UMPS: variants seen among roughly 807,000 people sequenced by gnomAD.
The protein encoded by UMPS is uridine 5'-monophosphate synthase.
A neutral mutation model predicts 38.9 loss-of-function variants in UMPS; 21 were observed. The ratio of observed to expected loss-of-function variants is 0.54; its 90% confidence interval spans 0.38 to 0.78. UMPS has a LOEUF of 0.78. Among genes scored for constraint, UMPS ranks in the 30% least tolerant of loss-of-function variants. The probability of loss-of-function intolerance (pLI) is 0.00; values close to 1 mark genes in which losing one functional copy is unlikely to be tolerated. For synonymous variants in UMPS, 208 were observed against 219.3 expected (o/e 0.95, Z 0.45); for missense variants, 533 against 591.6 (o/e 0.90, Z 1.03).
At position 124,746,165 on chromosome 3, in the gene UMPS, G is replaced by T. The variant is rs1394160073; in HGVS notation, c.*2081G>T. ...TGTGGGCTCCTGCCATCTCCAGGAC[G>T]CAGGCACTGTTCCTGTTGATGAACC... On this transcript the variant is annotated 3_prime_UTR_variant, in exon 6 of 6. Transcript: ENST00000232607. 13 of 453,910 alleles carry T rather than the reference G, an allele frequency of 2.9e-5. No homozygotes were observed. The highest frequency in any genetic ancestry group is 5.3e-5 in the Non-Finnish European group (12 of 226,730). 28.1% of individuals were successfully genotyped at this position (453,910 alleles called of 1,614,324 possible).
chr3:124,730,600 C>T lies in UMPS; in HGVS notation c.129C>T (p.Ile43=). 2 of 1,611,710 alleles carry T rather than the reference C, an allele frequency of 1.2e-6. No individual in the cohort carries two copies. The highest frequency in any genetic ancestry group is 1.7e-6 in the Non-Finnish European group (2 of 1,178,054). ...CCATCTACATCGATCTGCGGGGCAT[C>T]GTGTCTCGACCGCGTCTTCTGAGTC... ...SSPIYIDLRG[I]VSRPRLLSQV... The change falls in exon 1 of 6, where the codon ATC becomes ATT. Residue 43 remains isoleucine (I), a synonymous_variant. Coordinates refer to ENST00000232607, the MANE Select transcript of UMPS (RefSeq NM_000373.4).
At chr3:124,736,360 T>A (rs946601759) in intron 2 of UMPS, among the ~76,000 whole-genome samples, 2 of 152,222 alleles carry the variant, frequency 1.3e-5, no homozygotes, top group African/African-American at 4.8e-5. Flanking sequence ...TTACTTTTTT[T>A]AAAACAAATC....
rs1165060756 is a variant in UMPS at position 124,742,172 on chromosome 3, C to T, written c.1179C>T (p.His393=). The change falls in exon 5 of 6, where the codon CAC becomes CAT. Residue 393 remains histidine, a synonymous_variant. Transcript: ENST00000232607. ...TRAAVRMAEE[H]SEFVVGFISG... ...TTTAGGTTAGAATGGCTGAGGAGCACTCTGAATTTGTTGTTGGTTTTATTT... is the reference window on the plus strand; with the variant it reads ...TTTAGGTTAGAATGGCTGAGGAGCATTCTGAATTTGTTGTTGGTTTTATTT... The T allele has an allele frequency of 6.2e-7, 1 of 1,613,442 alleles. No individual in the cohort carries two copies. Among genetic ancestry groups the T allele is most frequent in the South Asian group, 1.1e-5 (1 of 91,068 alleles).
rs1233321009 is a variant in UMPS, at chr3:124,746,178, C to G, written c.*2094C>G. ...CATCTCCAGGACGCAGGCACTGTTCCTGTTGATGAACCCTATTTCACAGGA... is the reference window on the plus strand; with the variant it reads ...CATCTCCAGGACGCAGGCACTGTTCGTGTTGATGAACCCTATTTCACAGGA... On this transcript the variant is annotated 3_prime_UTR_variant, in exon 6 of 6. Transcript: ENST00000232607. 3 of 454,014 alleles carry G rather than the reference C, an allele frequency of 6.6e-6. No individual in the cohort carries two copies. Among genetic ancestry groups the G allele is most frequent in the Non-Finnish European group, 1.3e-5 (3 of 226,802 alleles). The allele number at this position is 454,014 out of a possible 1,614,324, so 28.1% of individuals were successfully genotyped here.
At chr3:124,733,059 C>T (rs192713810) in intron 1 of UMPS, among the ~76,000 whole-genome samples, 2 of 151,098 alleles carry the variant, frequency 1.3e-5, no homozygotes, top group East Asian at 3.9e-4. Context: ...AACAAAACTT[C>T]TTTTCACATC....
intron 5 of UMPS, chr3:124,742,666 GATA>G (rs1458289119): frequency 1.7e-5 from 3 of 177,070 alleles, no homozygotes; most frequent in African/African-American, 7.2e-5. Context: ...GGATTTGGAA[GATA>G]ATAAGCCATT....
chr3:124,746,899 T>G lies in UMPS; in HGVS notation c.*2815T>G, dbSNP rs1360319204. On this transcript the variant is annotated 3_prime_UTR_variant, in exon 6 of 6. Transcript: ENST00000232607. ...GTAGCTCCAGAATCGTAAAGGGATA[T>G]GCTCAGTCTCACAGCCAGCCTGTGG... 2.2e-6 allele frequency: 1 copy of G among 453,658 alleles called. No homozygotes were observed. Among genetic ancestry groups the G allele is most frequent in the African/African-American group, 2.0e-5 (1 of 50,130 alleles). The allele number at this position is 453,658 out of a possible 1,614,324, so 28.1% of individuals were successfully genotyped here.
Position 124,748,969 on chromosome 3 carries a change from C to G in UMPS, c.*4885C>G, listed in dbSNP as rs2063625142. The stretch of plus-strand genomic sequence containing the variant: ...GGACGGGCCGCACAACCAAGGTTCT[C>G]ATGAGGACAACCATGTCTTCGGGGG... On this transcript the variant is annotated 3_prime_UTR_variant, in exon 6 of 6. Transcript: ENST00000232607. 6.6e-6 allele frequency: 3 copies of G among 453,920 alleles called. No homozygotes were observed. Among genetic ancestry groups the G allele is most frequent in the Non-Finnish European group, 1.3e-5 (3 of 226,758 alleles). 28.1% of individuals were successfully genotyped at this position (453,920 alleles called of 1,614,324 possible).
chr3:124,731,003 C>T (rs1340136753), intron 1 of UMPS, among the ~76,000 whole-genome samples: 1 of 152,116 alleles, frequency 6.6e-6, no homozygotes, highest in Non-Finnish European at 1.5e-5. Context: ...CCTAAGTGGG[C>T]AGATCACCTG....
rs754533816 is a variant in UMPS at position 124,737,853 on chromosome 3, G to T, written c.596G>T (p.Arg199Met). ...VDAETVGRVK[R>M]FIQENVFVAA... Reference sequence around the variant, plus strand: ...GCTGAGACAGTTGGGAGAGTGAAGAGGTTTATTCAGGAGAATGTCTTTGTG... The same window carrying T: ...GCTGAGACAGTTGGGAGAGTGAAGATGTTTATTCAGGAGAATGTCTTTGTG... The change falls in exon 3 of 6, where the codon AGG becomes ATG. Residue 199 changes from arginine (R) to methionine (M), a missense_variant. Coordinates refer to ENST00000232607, the MANE Select transcript of UMPS (RefSeq NM_000373.4). 1 of 1,614,192 alleles carries T rather than the reference G, an allele frequency of 6.2e-7. No homozygotes were observed. Among genetic ancestry groups the T allele is most frequent in the Non-Finnish European group, 8.5e-7 (1 of 1,180,028 alleles).
Position 124,737,632 on chromosome 3 carries a change from T to C in UMPS, c.375T>C (p.Val125=). ...AAACCTGTTTAATCATTGAAGATGT[T>C]GTCACCAGTGGATCTAGTGTTTTGG... ...PGETCLIIED[V]VTSGSSVLET... The change falls in exon 3 of 6, where the codon GTT becomes GTC. Residue 125 remains valine, a synonymous_variant. Coordinates refer to ENST00000232607, the MANE Select transcript of UMPS (RefSeq NM_000373.4). 2 of 1,614,238 alleles carry C rather than the reference T, an allele frequency of 1.2e-6. No homozygotes were observed. Among genetic ancestry groups the C allele is most frequent in the Non-Finnish European group, 1.7e-6 (2 of 1,180,032 alleles).
intron 3 of UMPS, among the ~76,000 whole-genome samples, chr3:124,738,991 CTT>C (rs2063537036): frequency 6.6e-6 from 1 of 152,150 alleles, no homozygotes. Flanking sequence ...TTTGAGGTAA[CTT>C]TTCTTTAATG....
At position 124,744,351 on chromosome 3, in the gene UMPS, G is replaced by T. The variant is rs1426940289; in HGVS notation, c.*267G>T. ...ACAGCCACAGTCCTGTCTGGGTTAG[G>T]GTCTTCCACATTTGAGGATCCTTCC... is the stretch of plus-strand genomic sequence containing the variant. On this transcript the variant is annotated 3_prime_UTR_variant, in exon 6 of 6. Coordinates refer to ENST00000232607, the MANE Select transcript of UMPS (RefSeq NM_000373.4). 1.1e-5 allele frequency: 6 copies of T among 529,886 alleles called. No individual in the cohort carries two copies. The highest frequency in any genetic ancestry group is 2.2e-5 in the Non-Finnish European group (6 of 276,968). 32.8% of individuals were successfully genotyped at this position (529,886 alleles called of 1,614,324 possible). A position where few individuals can be genotyped will look rare whatever the true frequency, so the allele number is the denominator to read the frequency against.
chr3:124,736,560 C>T (rs529176705), intron 2 of UMPS, among the ~76,000 whole-genome samples: 20 of 152,150 alleles, frequency 1.3e-4, no homozygotes, highest in African/African-American at 4.6e-4. Flanking sequence ...GCCTCATCCT[C>T]CCAAAGTGCT....
intron 1 of UMPS, 138 bp from the exon 2 acceptor site, chr3:124,734,955 A>C: frequency 1.4e-6 from 1 of 703,512 alleles, no homozygotes; most frequent in Non-Finnish European, 2.2e-6. Context: ...TGGGAGGCAG[A>C]GGTTGCAGTG....
At chr3:124,739,995 C>G in intron 3 of UMPS, 29 bp from the exon 4 acceptor site, 2 of 1,612,728 alleles carry the variant, frequency 1.2e-6, no homozygotes, top group Non-Finnish European at 1.7e-6. Flanking sequence ...TGAAAATCAG[C>G]AAATATCTTT....
chr3:124,748,516 A>T lies in UMPS; in HGVS notation c.*4432A>T. The T allele has an allele frequency of 2.2e-6, 1 of 454,126 alleles. No homozygotes were observed. Among genetic ancestry groups the T allele is most frequent in the Non-Finnish European group, 4.4e-6 (1 of 226,802 alleles). The allele number at this position is 454,126 out of a possible 1,614,324, so 28.1% of individuals were successfully genotyped here. A position where few individuals can be genotyped will look rare whatever the true frequency, so the allele number is the denominator to read the frequency against. ...GTCTGGTTTAGAAGCACATTTGCCT[A>T]GCCCTTTCCTTCCCACCAAGGGGGA... On this transcript the variant is annotated 3_prime_UTR_variant, in exon 6 of 6. Coordinates refer to ENST00000232607, the MANE Select transcript of UMPS (RefSeq NM_000373.4).
rs1279171874 is a variant in UMPS, at chr3:124,730,465, C to T, written c.-7C>T. Reference sequence around the variant, plus strand: ...GGGAATTTGAAGCAAACAGGCAGCGCGCGACAATGGCGGTCGCTCGTGCAG... The same window carrying T: ...GGGAATTTGAAGCAAACAGGCAGCGTGCGACAATGGCGGTCGCTCGTGCAG... On this transcript the variant is annotated 5_prime_UTR_variant, in exon 1 of 6. Transcript: ENST00000232607. 31 of 1,613,864 alleles carry T rather than the reference C, an allele frequency of 1.9e-5. No homozygotes were observed. Among genetic ancestry groups the T allele is most frequent in the Non-Finnish European group, 2.3e-5 (27 of 1,179,934 alleles).
Position 124,743,993 on chromosome 3 carries a change from G to T in UMPS, c.1352G>T (p.Arg451Leu), listed in dbSNP as rs760099482. ...GGTTCCGATATCATCATTGTAGGTC[G>T]TGGCATAATCTCAGCAGCTGATCGT... is the stretch of plus-strand genomic sequence containing the variant. ...KRGSDIIIVGRGIISAADRLE... is the reference protein window; with the variant it reads ...KRGSDIIIVGLGIISAADRLE... Residue 451 changes from arginine to leucine, a missense_variant, in exon 6 of 6, where the codon CGT (arginine) becomes CTT (leucine). Transcript: ENST00000232607. 1 of 1,614,196 alleles carries T rather than the reference G, an allele frequency of 6.2e-7. No individual in the cohort carries two copies.
Sources: allele counts gnomAD v4.1 joint callset (sites outside exome capture counted in the v4.1 genomes callset), GRCh38; gene constraint gnomAD v4.1.1; transcripts MANE v1.5; gene names NCBI Gene and HGNC (gene_info 2026-07-23, HGNC 2026-07-21).